The following SOX5 variants were observed in gnomAD, a reference collection of about 807,000 sequenced individuals.
SOX5 encodes the protein SRY-box transcription factor 5.
Under a neutral mutation model 92.0 loss-of-function variants are expected in SOX5, and 9 were observed. The ratio of observed to expected loss-of-function variants is 0.10; its 90% confidence interval spans 0.06 to 0.17. The LOEUF is 0.17. Among genes scored for constraint, SOX5 ranks in the 10% least tolerant of loss-of-function variants. SOX5 has a pLI of 1.00. For missense variants in SOX5, 642 were observed against 944.5 expected (o/e 0.68, Z 4.20); for synonymous variants, 344 against 336.3 (o/e 1.02, Z -0.25).
At chr12:23,613,599 T>A (rs1327923174) in intron 8 of SOX5, among the ~76,000 whole-genome samples, 1 of 152,118 alleles carries the variant, frequency 6.6e-6, no homozygotes, top group South Asian at 2.1e-4. Context: ...AGCCCAAAGG[T>A]AGAAATAATT....
intron 6 of SOX5, among the ~76,000 whole-genome samples, chr12:23,692,860 T>C (rs2089130742): frequency 6.6e-6 from 1 of 152,254 alleles, no homozygotes; most frequent in African/African-American, 2.4e-5. Flanking sequence ...TATTGTATTC[T>C]TGTTTAGAAC....
intron 4 of SOX5, among the ~76,000 whole-genome samples, chr12:24,155,316 A>G (rs922729652): frequency 2.6e-5 from 4 of 152,164 alleles, no homozygotes; most frequent in African/African-American, 7.2e-5. Context: ...CAAATGAAAA[A>G]TGTTCCCATT....
intron 4 of SOX5, among the ~76,000 whole-genome samples, chr12:24,207,667 C>A (rs1958157048): frequency 1.3e-5 from 2 of 152,298 alleles, no homozygotes; most frequent in Admixed American, 1.3e-4. Flanking sequence ...GTTTGTAAAG[C>A]AGCAAAGCTA....
chr12:23,991,784 G>A (rs1400754580), intron 4 of SOX5, among the ~76,000 whole-genome samples: 2 of 150,290 alleles, frequency 1.3e-5, no homozygotes, highest in Non-Finnish European at 3.0e-5. Context: ...TAATTATGCA[G>A]TACGAGTACT....
intron 2 of SOX5, among the ~76,000 whole-genome samples, chr12:23,879,107 G>A (rs149415056): frequency 2.6e-5 from 4 of 152,140 alleles, no homozygotes; most frequent in African/African-American, 9.6e-5. Flanking sequence ...ATATATGAGT[G>A]TTCACAATGC....
At chr12:24,138,910 T>C (rs1565512814) in intron 4 of SOX5, among the ~76,000 whole-genome samples, 1 of 152,132 alleles carries the variant, frequency 6.6e-6, no homozygotes. Flanking sequence ...AGATTATACC[T>C]CGACTCCTTA....
At chr12:23,744,054 C>G (rs2093896779) in intron 4 of SOX5, among the ~76,000 whole-genome samples, 1 of 152,200 alleles carries the variant, frequency 6.6e-6, no homozygotes, top group African/African-American at 2.4e-5. Context: ...TTCAGCCCAT[C>G]TTGCTGCATC....
intron 6 of SOX5, among the ~76,000 whole-genome samples, chr12:23,710,456 G>A (rs1226383026): frequency 6.6e-6 from 1 of 151,894 alleles, no homozygotes; most frequent in South Asian, 2.1e-4. Flanking sequence ...TATTCTTGTT[G>A]TTCACTTCCC....
chr12:24,368,116 T>G (rs2136234027), intron 2 of SOX5: 1 of 152,276 alleles, frequency 6.6e-6, no homozygotes. Flanking sequence ...TTGGAGGAAC[T>G]GATGAAGTAG....
At chr12:24,104,518 A>G (rs967735271) in intron 4 of SOX5, among the ~76,000 whole-genome samples, 4 of 152,228 alleles carry the variant, frequency 2.6e-5, no homozygotes, top group Non-Finnish European at 5.9e-5. Flanking sequence ...GGAAAAATTA[A>G]GTAATTTATA....
intron 2 of SOX5, among the ~76,000 whole-genome samples, chr12:24,302,306 T>A (rs555537157): frequency 1.3e-5 from 2 of 152,248 alleles, no homozygotes; most frequent in Non-Finnish European, 1.5e-5. Context: ...TATCTGCTTA[T>A]ATGAATTTAA....
At chr12:23,659,145 T>C (rs934262982) in intron 7 of SOX5, among the ~76,000 whole-genome samples, 2 of 152,138 alleles carry the variant, frequency 1.3e-5, no homozygotes, top group African/African-American at 4.8e-5. Flanking sequence ...CAGAAATTAG[T>C]ATGCAGTCTC....
At chr12:24,452,348 C>A (rs1306387877) in intron 1 of SOX5, among the ~76,000 whole-genome samples, 1 of 152,132 alleles carries the variant, frequency 6.6e-6, no homozygotes, top group Admixed American at 6.5e-5. Flanking sequence ...AATTATCCAA[C>A]CTAATGTGCA....
chr12:24,209,166 G>C (rs970258795), intron 4 of SOX5, among the ~76,000 whole-genome samples: 1 of 152,164 alleles, frequency 6.6e-6, no homozygotes, highest in Non-Finnish European at 1.5e-5. Context: ...TACTGGAGAA[G>C]GGAATCAAAG....
At chr12:24,450,768 G>A (rs1186588950) in intron 1 of SOX5, among the ~76,000 whole-genome samples, 2 of 152,210 alleles carry the variant, frequency 1.3e-5, no homozygotes, top group Non-Finnish European at 2.9e-5. Flanking sequence ...TGGGATTACA[G>A]GCGTGAGCCA....
intron 12 of SOX5, among the ~76,000 whole-genome samples, chr12:23,543,613 C>A (rs1942543843): frequency 6.6e-6 from 1 of 152,074 alleles, no homozygotes; most frequent in African/African-American, 2.4e-5. Context: ...TTTTCTCTTT[C>A]TTTCAATGGA....
intron 13 of SOX5, among the ~76,000 whole-genome samples, chr12:23,541,245 A>T (rs1334940871): frequency 6.6e-6 from 1 of 152,104 alleles, no homozygotes; most frequent in East Asian, 1.9e-4. Context: ...ATCAAAACTG[A>T]TATTTCTCTT....
At chr12:24,348,771 G>A (rs1179568280) in intron 2 of SOX5, among the ~76,000 whole-genome samples, 1 of 152,124 alleles carries the variant, frequency 6.6e-6, no homozygotes, top group East Asian at 1.9e-4. Flanking sequence ...TGTGTCATGG[G>A]AGGGACCCAG....
At chr12:23,613,114 C>A (rs1176857488) in intron 8 of SOX5, among the ~76,000 whole-genome samples, 2 of 152,062 alleles carry the variant, frequency 1.3e-5, no homozygotes, top group African/African-American at 2.4e-5. Context: ...TGCATGAAAA[C>A]CACGATAGGC....
Sources: allele counts gnomAD v4.1 joint callset (sites outside exome capture counted in the v4.1 genomes callset), GRCh38; gene constraint gnomAD v4.1.1; transcripts MANE v1.5; gene names NCBI Gene and HGNC (gene_info 2026-07-23, HGNC 2026-07-21).